TRPV1: variants seen among roughly 807,000 people sequenced by gnomAD.
TRPV1 encodes OTRPC1.
TRPV1 carries 82 observed loss-of-function variants against 82.3 expected under a neutral mutation model. That is an observed-to-expected ratio of 1.00 (90% CI 0.83 to 1.20). The LOEUF is 1.20. Ranked by LOEUF, TRPV1 falls within the 50% of genes most tolerant of loss-of-function variation. TRPV1 has a pLI of 0.00. For synonymous variants in TRPV1, 515 were observed against 467.7 expected (o/e 1.10, Z -1.30); for missense variants, 1,067 against 1,096.8 (o/e 0.97, Z 0.38).
chr17:3,573,985 C>A (rs766784954), intron 13 of TRPV1, 30 bp from the exon 14 acceptor site: 61 of 1,546,272 alleles, frequency 3.9e-5, no homozygotes, highest in Non-Finnish European at 5.1e-5. Flanking sequence ...CGGGGTGCCA[C>A]TGGATAGAAG....
Position 3,573,548 on chromosome 17 carries a change from C to CCCCCCCCCCCCCCCCCCCCCT in TRPV1, c.2103+84_2103+85insAGGGGGGGGGGGGGGGGGGGG. On this transcript the variant is annotated intron_variant, in intron 14 of 16. Transcript: ENST00000572705. ...CCACACACCGCCCCCACCACCCACC[C>CCCCCCCCCCCCCCCCCCCCCT]ACCTGCAGCCAGCTGTGTAAGACAG... 7.3e-6 allele frequency: 3 copies of CCCCCCCCCCCCCCCCCCCCCT among 411,100 alleles called. 1 individual carries two copies. The highest frequency in any genetic ancestry group is 7.2e-6 in the Non-Finnish European group (2 of 279,480). The allele number at this position is 411,100 out of a possible 1,614,324, so 25.5% of individuals were successfully genotyped here. A position where few individuals can be genotyped will look rare whatever the true frequency, so the allele number is the denominator to read the frequency against.
chr17:3,592,752 A>C, intron 2 of TRPV1: 1 of 180,880 alleles, frequency 5.5e-6, no homozygotes, highest in Admixed American at 5.5e-5. Flanking sequence ...CTCCCTCCCC[A>C]CACAGAACAA....
intron 16 of TRPV1, among the ~76,000 whole-genome samples, chr17:3,569,138 G>T (rs1192672110): frequency 6.6e-6 from 1 of 152,050 alleles, no homozygotes; most frequent in African/African-American, 2.4e-5. Flanking sequence ...GAGTGGGGAG[G>T]GACAGCATTA....
chr17:3,577,519 G>A, intron 12 of TRPV1, 79 bp downstream of exon 12: 1 of 1,477,400 alleles, frequency 6.8e-7, no homozygotes, highest in Non-Finnish European at 9.2e-7. Flanking sequence ...GAGAGGATGG[G>A]CGGAGTTCTT....
At chr17:3,597,386 G>A (rs1015081099) in intron 2 of TRPV1, among the ~76,000 whole-genome samples, 3 of 152,138 alleles carry the variant, frequency 2.0e-5, no homozygotes, top group African/African-American at 4.8e-5. Flanking sequence ...AACCAGCGAC[G>A]TCAAAACTAG....
chr17:3,588,228 G>A lies in TRPV1; in HGVS notation c.1184C>T (p.Ser395Leu), dbSNP rs199792776. ...GCTGTAGGCGATCACCTCCAGCACC[G>A]AGTTCTTCTCGCAGGTGTCGATGCA... ...LSCIDTCEKN[S>L]VLEVIAYSSS... Residue 395 changes from serine (S) to leucine (L), a missense_variant, in exon 8 of 17, where the codon TCG becomes TTG. By Grantham distance (145) the Ser-to-Leu change is moderately radical (BLOSUM62 -2). Coordinates refer to ENST00000572705, the MANE Select transcript of TRPV1 (RefSeq NM_080704.4). 3.2e-6 allele frequency: 5 copies of A among 1,577,908 alleles called. No homozygotes were observed. The highest frequency in any genetic ancestry group is 2.3e-5 in the East Asian group (1 of 42,640).
At chr17:3,591,655 G>A (rs944409065) in intron 3 of TRPV1, among the ~76,000 whole-genome samples, 2 of 152,154 alleles carry the variant, frequency 1.3e-5, no homozygotes, top group African/African-American at 2.4e-5. Flanking sequence ...GAGCCTGGTG[G>A]GGACGGAGGG....
intron 2 of TRPV1, among the ~76,000 whole-genome samples, chr17:3,604,424 C>T (rs561193380): frequency 6.6e-6 from 1 of 152,064 alleles, no homozygotes; most frequent in East Asian, 1.9e-4. Flanking sequence ...ATGGTGAAAC[C>T]CCGTCTCTAT....
chr17:3,581,751 G>A (rs1319212980), intron 10 of TRPV1, among the ~76,000 whole-genome samples: 1 of 146,468 alleles, frequency 6.8e-6, no homozygotes, highest in African/African-American at 2.5e-5. Context: ...CGGGCGCGGT[G>A]GCACGCACCT....
chr17:3,587,751 T>C (rs2075101972), intron 8 of TRPV1, among the ~76,000 whole-genome samples: 2 of 151,060 alleles, frequency 1.3e-5, no homozygotes, highest in Non-Finnish European at 2.9e-5. Context: ...AGATAGAGGT[T>C]GCAGTGAGCC....
At chr17:3,596,990 G>A (rs1362306652) in intron 2 of TRPV1, 1 of 152,464 alleles carries the variant, frequency 6.6e-6, no homozygotes, top group Non-Finnish European at 1.5e-5. Flanking sequence ...CGAAGGGAGA[G>A]CTGGGCTCGT....
intron 2 of TRPV1, among the ~76,000 whole-genome samples, chr17:3,604,589 C>A (rs1350603679): frequency 1.4e-5 from 2 of 140,122 alleles, no homozygotes; most frequent in Non-Finnish European, 3.0e-5. Context: ...CAGAGGAAGA[C>A]TCTCAAAAAG....
intron 16 of TRPV1, 120 bp downstream of exon 16, chr17:3,571,404 A>G: frequency 1.4e-6 from 1 of 731,366 alleles, no homozygotes; most frequent in Non-Finnish European, 2.3e-6. Context: ...GAGCTGCCAC[A>G]GCGCCCGGGT....
intron 2 of TRPV1, among the ~76,000 whole-genome samples, chr17:3,593,433 C>T (rs903418217): frequency 6.6e-6 from 1 of 152,118 alleles, no homozygotes; most frequent in Non-Finnish European, 1.5e-5. Context: ...TTTTCCACTC[C>T]CATCCTGCCC....
At chr17:3,575,955 G>A (rs980669898) in intron 13 of TRPV1, among the ~76,000 whole-genome samples, 6 of 152,080 alleles carry the variant, frequency 3.9e-5, no homozygotes, top group African/African-American at 2.4e-5. Context: ...GGTCAGGCGC[G>A]GTGGCTCACC....
chr17:3,580,783 A>T (rs916717620), intron 10 of TRPV1, among the ~76,000 whole-genome samples: 1 of 152,152 alleles, frequency 6.6e-6, no homozygotes, highest in Non-Finnish European at 1.5e-5. Context: ...TTGGGAGGCC[A>T]AGGCGGGTGG....
At chr17:3,589,695 C>T in intron 7 of TRPV1, 112 bp downstream of exon 7, 2 of 1,280,090 alleles carry the variant, frequency 1.6e-6, no homozygotes, top group Non-Finnish European at 1.1e-6. Flanking sequence ...ATGACAGAAT[C>T]AGAGTCCCGC....
chr17:3,574,657 A>T (rs2074905614), intron 13 of TRPV1, among the ~76,000 whole-genome samples: 1 of 152,332 alleles, frequency 6.6e-6, no homozygotes, highest in Non-Finnish European at 1.5e-5. Flanking sequence ...TGCTCAAAAA[A>T]TGATGTGGAG....
intron 3 of TRPV1, 63 bp downstream of exon 3, chr17:3,592,004 C>G: frequency 1.3e-6 from 2 of 1,565,016 alleles, no homozygotes; most frequent in Non-Finnish European, 1.7e-6. Context: ...CCAGACCACC[C>G]TGTGGCATCT....
Sources: allele counts gnomAD v4.1 joint callset (sites outside exome capture counted in the v4.1 genomes callset), GRCh38; gene constraint gnomAD v4.1.1; transcripts MANE v1.5; gene names NCBI Gene and HGNC (gene_info 2026-07-23, HGNC 2026-07-21).